NR3C1: variants seen among roughly 807,000 people sequenced by gnomAD.
The protein encoded by NR3C1 is glucocorticoid receptor.
A neutral mutation model predicts 74.0 loss-of-function variants in NR3C1; 14 were observed. The ratio of observed to expected loss-of-function variants is 0.19; its 90% CI spans 0.12 to 0.30. The LOEUF (loss-of-function observed/expected upper bound fraction) is 0.30. Among genes scored for constraint, NR3C1 ranks in the 10% least tolerant of loss-of-function variants. The pLI is 1.00. For missense variants in NR3C1, 695 were observed against 909.8 expected, an observed-to-expected ratio of 0.76 and a Z score of 3.04; for synonymous variants, 308 against 332.5, an observed-to-expected ratio of 0.93 and a Z score of 0.80.
upstream of NR3C1, among the ~76,000 whole-genome samples, chr5:143,408,592 C>T (rs1841194049): frequency 6.6e-6 from 1 of 151,470 alleles, no homozygotes; most frequent in East Asian, 1.9e-4. Flanking sequence ...GCCATGGGAC[C>T]CAAGTCTAAA....
chr5:143,291,081 C>T (rs1249324257), intron 7 of NR3C1, among the ~76,000 whole-genome samples: 1 of 152,004 alleles, frequency 6.6e-6, no homozygotes, highest in Non-Finnish European at 1.5e-5. Flanking sequence ...AGTTGTCATC[C>T]TTGAAACTTA....
In NR3C1 at chr5:143,279,465, G is replaced by A. The variant is rs1812788244; in HGVS notation, c.*2424C>T. ...GAAGCTCTTTTTGAAACTTAACACT[G>A]TCATTGATAAGAATATTCAAGCAGT... is the stretch of plus-strand genomic sequence containing the variant. On this transcript the variant is annotated 3_prime_UTR_variant, in exon 9 of 9. Transcript: ENST00000394464. 6 of 1,461,996 alleles carry A rather than the reference G, an allele frequency of 4.1e-6. No individual in the cohort carries two copies. The highest frequency in any genetic ancestry group is 5.4e-6 in the Non-Finnish European group (6 of 1,112,852). The allele number at this position is 1,461,996 out of a possible 1,614,324, so 90.6% of individuals were successfully genotyped here. A position where few individuals can be genotyped will look rare whatever the true frequency, so the allele number is the denominator to read the frequency against.
At chr5:143,411,720 G>A (rs1169661423) in intron 1 of NR3C1, among the ~76,000 whole-genome samples, 1 of 152,144 alleles carries the variant, frequency 6.6e-6, no homozygotes, top group Non-Finnish European at 1.5e-5. Flanking sequence ...ATACATATAT[G>A]TAAAAATTAT....
rs748258367 is a variant in NR3C1, at chr5:143,400,306, A to C, written c.534T>G (p.Gly178=). Residue 178 remains glycine (G), a synonymous_variant, in exon 2 of 9, where the codon GGT becomes GGG. Transcript: ENST00000394464. ...CTGTGGTATACAATTTCACATTGCC[A>C]CCGTTGGTGCCAGTCTGGCCCTTCA... ...QHLKGQTGTN[G]GNVKLYTTDQ... is the part of the protein sequence containing the mutation. 1.7e-5 allele frequency: 27 copies of C among 1,609,456 alleles called. 1 individual carries two copies. The South Asian group carries it at 2.9e-4, about 17-fold the overall frequency.
At chr5:143,350,082 C>A (rs1391400501) in intron 2 of NR3C1, among the ~76,000 whole-genome samples, 3 of 152,072 alleles carry the variant, frequency 2.0e-5, no homozygotes, top group Non-Finnish European at 4.4e-5. Flanking sequence ...AAAGGTTATA[C>A]AATAAAAAGC....
Position 143,278,985 on chromosome 5 carries a change from C to T in NR3C1, c.*2904G>A, listed in dbSNP as rs1205649304. ...TTATGTCCTAAGTGCCTCAGTTCTGCTTGTATAGTATCCCACAGAATACCT... is the reference window on the plus strand; with the variant it reads ...TTATGTCCTAAGTGCCTCAGTTCTGTTTGTATAGTATCCCACAGAATACCT... On this transcript the variant is annotated 3_prime_UTR_variant, in exon 9 of 9. Transcript: ENST00000394464. The T allele has an allele frequency of 2.7e-5, 6 of 220,836 alleles. No individual in the cohort carries two copies. The highest frequency in any genetic ancestry group is 1.4e-4 in the African/African-American group (6 of 42,128). 13.7% of individuals were successfully genotyped at this position (220,836 alleles called of 1,614,324 possible). A position where few individuals can be genotyped will look rare whatever the true frequency, so the allele number is the denominator to read the frequency against.
At chr5:143,408,131 T>TCATAAA (rs1561807522), upstream of NR3C1, among the ~76,000 whole-genome samples, 1 of 152,162 alleles carries the variant, frequency 6.6e-6, no homozygotes, top group Non-Finnish European at 1.5e-5. Flanking sequence ...GCCCACTGAC[T>TCATAAA]GGAGTTCCAT....
At chr5:143,393,031 G>A (rs796086230) in intron 2 of NR3C1, among the ~76,000 whole-genome samples, 12 of 152,154 alleles carry the variant, frequency 7.9e-5, no homozygotes, top group African/African-American at 2.9e-4. Context: ...AAATTAGGGG[G>A]TAGAATTAGG....
chr5:143,321,459 C>T (rs961597808), intron 2 of NR3C1, among the ~76,000 whole-genome samples: 12 of 152,164 alleles, frequency 7.9e-5, no homozygotes, highest in Non-Finnish European at 1.5e-5. Context: ...TGCCTTCTCT[C>T]ACCTCTTGCT....
At chr5:143,336,493 T>C (rs1402829822) in intron 2 of NR3C1, among the ~76,000 whole-genome samples, 2 of 152,094 alleles carry the variant, frequency 1.3e-5, no homozygotes, top group Non-Finnish European at 2.9e-5. Flanking sequence ...AGCAACCTAA[T>C]TATTATGAAA....
intron 1 of NR3C1, among the ~76,000 whole-genome samples, chr5:143,430,487 C>A (rs1751760517): frequency 6.6e-6 from 1 of 152,180 alleles, no homozygotes; most frequent in African/African-American, 2.4e-5. Context: ...TGTGTCTCCC[C>A]AAAATTCATA....
intron 7 of NR3C1, among the ~76,000 whole-genome samples, chr5:143,289,107 G>A (rs1815264716): frequency 6.8e-6 from 1 of 147,766 alleles, no homozygotes; most frequent in African/African-American, 2.5e-5. Context: ...GGAAATGCAA[G>A]GAAACTAGAA....
At chr5:143,291,775 C>T (rs1816009272) in intron 7 of NR3C1, among the ~76,000 whole-genome samples, 1 of 152,200 alleles carries the variant, frequency 6.6e-6, no homozygotes, top group African/African-American at 2.4e-5. Context: ...CCATCAACAT[C>T]ATTCTGCATT....
chr5:143,368,786 A>G (rs2151846333), intron 2 of NR3C1, among the ~76,000 whole-genome samples: 1 of 152,240 alleles, frequency 6.6e-6, no homozygotes, highest in East Asian at 1.9e-4. Flanking sequence ...TGAATACGTG[A>G]GACTGTGTAA....
At chr5:143,405,459 G>A, upstream of NR3C1, 1 of 656,812 alleles carries the variant, frequency 1.5e-6, no homozygotes, top group East Asian at 1.4e-4. Flanking sequence ...GCCCGTCCCC[G>A]CGGCCACCAT....
intron 2 of NR3C1, among the ~76,000 whole-genome samples, chr5:143,392,863 T>C (rs1375089714): frequency 6.6e-6 from 1 of 152,206 alleles, no homozygotes; most frequent in Non-Finnish European, 1.5e-5. Context: ...ATCAACTATT[T>C]GTTCCAGATG....
intron 1 of NR3C1, among the ~76,000 whole-genome samples, chr5:143,426,373 T>C (rs2151962034): frequency 6.6e-6 from 1 of 152,346 alleles, no homozygotes; most frequent in Non-Finnish European, 1.5e-5. Flanking sequence ...GTAAAGTTTA[T>C]GTCATGTGAA....
At chr5:143,356,182 G>T (rs933903989) in intron 2 of NR3C1, among the ~76,000 whole-genome samples, 2 of 152,074 alleles carry the variant, frequency 1.3e-5, no homozygotes, top group Non-Finnish European at 2.9e-5. Flanking sequence ...TTTATCAGTG[G>T]AATGGGTAGT....
chr5:143,413,511 T>C (rs1434467664), intron 1 of NR3C1, among the ~76,000 whole-genome samples: 3 of 152,130 alleles, frequency 2.0e-5, no homozygotes, highest in African/African-American at 7.2e-5. Context: ...TCAAATGAAG[T>C]CCAAAGGGCT....
Sources: gnomAD v4.1 joint callset for allele counts (sites outside exome capture counted in the v4.1 genomes callset) on GRCh38, gnomAD v4.1.1 for gene constraint, MANE v1.5 for transcripts, NCBI Gene and HGNC (gene_info 2026-07-23, HGNC 2026-07-21) for gene names.